SLC4A10: variants seen among roughly 807,000 people sequenced by gnomAD.
SLC4A10 encodes solute carrier family 4 member 10.
In SLC4A10, 42 loss-of-function variants were observed where a neutral mutation model predicts 137.7. That is an observed-to-expected ratio of 0.30 (90% CI 0.24 to 0.39). The LOEUF is 0.39. Among genes scored for constraint, SLC4A10 ranks in the 10% least tolerant of loss-of-function variants. The pLI, the probability that SLC4A10 is intolerant of heterozygous loss-of-function variation, is 1.00. For missense variants in SLC4A10, 925 were observed against 1,355.0 expected (o/e 0.68, Z 4.98); for synonymous variants, 474 against 464.1 (o/e 1.02, Z -0.27).
chr2:161,744,273 T>C, intron 1 of SLC4A10, among the ~76,000 whole-genome samples: 1 of 152,142 alleles, frequency 6.6e-6, no homozygotes, highest in East Asian at 1.9e-4. Context: ...GTCTGCCATA[T>C]ATGGCTTTTA....
chr2:161,973,523 G>T (rs1698909619), intron 23 of SLC4A10, among the ~76,000 whole-genome samples: 1 of 152,150 alleles, frequency 6.6e-6, no homozygotes, highest in Non-Finnish European at 1.5e-5. Context: ...GTCATTATAA[G>T]AAGAAATTTG....
At chr2:161,653,840 A>C (rs1309635969) in intron 1 of SLC4A10, among the ~76,000 whole-genome samples, 2 of 152,222 alleles carry the variant, frequency 1.3e-5, no homozygotes, top group African/African-American at 4.8e-5. Flanking sequence ...GAATAATGCT[A>C]CAATTAATAT....
intron 21 of SLC4A10, among the ~76,000 whole-genome samples, chr2:161,962,966 T>G (rs1244171453): frequency 6.6e-6 from 1 of 152,166 alleles, no homozygotes; most frequent in Non-Finnish European, 1.5e-5. Flanking sequence ...TAATATTACT[T>G]TTTGAAAATG....
At chr2:161,915,356 G>A (rs543616117) in intron 15 of SLC4A10, among the ~76,000 whole-genome samples, 38 of 152,176 alleles carry the variant, frequency 2.5e-4, no homozygotes, top group African/African-American at 9.2e-4. Flanking sequence ...ATTCCTCTTG[G>A]GCACTGGAAA....
intron 1 of SLC4A10, among the ~76,000 whole-genome samples, chr2:161,646,917 A>T (rs529669621): frequency 1.3e-5 from 2 of 152,082 alleles, no homozygotes; most frequent in East Asian, 3.9e-4. Context: ...AATTTTCATT[A>T]TCTTAGTTAC....
At chr2:161,878,001 T>C (rs1191641786) in intron 8 of SLC4A10, among the ~76,000 whole-genome samples, 1 of 152,134 alleles carries the variant, frequency 6.6e-6, no homozygotes, top group African/African-American at 2.4e-5. Context: ...TCATCTTGAT[T>C]TCAGAAAGCA....
chr2:161,794,693 G>A (rs2054568227), intron 2 of SLC4A10, among the ~76,000 whole-genome samples: 1 of 152,146 alleles, frequency 6.6e-6, no homozygotes, highest in Non-Finnish European at 1.5e-5. Flanking sequence ...CGAGGCATGA[G>A]GCAGCGACGT....
chr2:161,791,769 A>C (rs2125537474), intron 2 of SLC4A10, among the ~76,000 whole-genome samples: 1 of 152,100 alleles, frequency 6.6e-6, no homozygotes, highest in South Asian at 2.1e-4. Context: ...TTGATTTCTG[A>C]TATTTTGTTT....
intron 2 of SLC4A10, among the ~76,000 whole-genome samples, chr2:161,780,917 A>G (rs1387719674): frequency 6.6e-6 from 1 of 152,002 alleles, no homozygotes; most frequent in African/African-American, 2.4e-5. Context: ...TGATGTTGTA[A>G]AATTATAAAT....
At chr2:161,867,337 A>C (rs529440290) in intron 6 of SLC4A10, among the ~76,000 whole-genome samples, 30 of 152,144 alleles carry the variant, frequency 2.0e-4, no homozygotes, top group African/African-American at 7.2e-4. Flanking sequence ...CTCATAAATA[A>C]GATATCCAGG....
At chr2:161,764,409 A>G (rs2050582784) in intron 1 of SLC4A10, among the ~76,000 whole-genome samples, 1 of 152,196 alleles carries the variant, frequency 6.6e-6, no homozygotes, top group Middle Eastern at 3.4e-3. Context: ...ACAGAGTAGA[A>G]TGACAGGGTT....
chr2:161,666,130 A>G (rs1190482855), intron 1 of SLC4A10, among the ~76,000 whole-genome samples: 1 of 151,536 alleles, frequency 6.6e-6, no homozygotes, highest in Non-Finnish European at 1.5e-5. Flanking sequence ...GACAGGTATC[A>G]TACATTTTTG....
At chr2:161,730,502 C>T (rs890379446) in intron 1 of SLC4A10, among the ~76,000 whole-genome samples, 4 of 152,230 alleles carry the variant, frequency 2.6e-5, no homozygotes, top group Middle Eastern at 6.8e-3. Flanking sequence ...TCATTATCTT[C>T]TTTGTGATAA....
chr2:161,977,219 T>C, intron 25 of SLC4A10: 1 of 291,204 alleles, frequency 3.4e-6, no homozygotes, highest in Non-Finnish European at 6.6e-6. Flanking sequence ...TCCTTTATTT[T>C]CCCTTTTTTA....
intron 3 of SLC4A10, among the ~76,000 whole-genome samples, chr2:161,836,745 C>A (rs1343958941): frequency 1.3e-5 from 2 of 151,556 alleles, no homozygotes; most frequent in East Asian, 1.9e-4. Context: ...AAACAAAACC[C>A]CAAATCCCAA....
intron 1 of SLC4A10, among the ~76,000 whole-genome samples, chr2:161,655,961 G>T (rs185991501): frequency 1.7e-4 from 26 of 151,736 alleles, no homozygotes; most frequent in Non-Finnish European, 1.3e-4. Context: ...TTACAGGCGT[G>T]TGCTACCATG....
At chr2:161,907,051 G>A (rs1248975937) in intron 15 of SLC4A10, among the ~76,000 whole-genome samples, 49 of 100,172 alleles carry the variant, frequency 4.9e-4, no homozygotes, top group Non-Finnish European at 7.5e-4. Flanking sequence ...GCGAGACTCC[G>A]TCTCAAAAAA....
intron 1 of SLC4A10, among the ~76,000 whole-genome samples, chr2:161,704,516 A>G (rs1016396045): frequency 1.3e-5 from 2 of 151,308 alleles, no homozygotes; most frequent in Admixed American, 1.3e-4. Flanking sequence ...GAAATACTCC[A>G]AAGAAACTAG....
intron 4 of SLC4A10, among the ~76,000 whole-genome samples, chr2:161,846,678 G>T: frequency 6.6e-6 from 1 of 152,140 alleles, no homozygotes; most frequent in Non-Finnish European, 1.5e-5. Context: ...ACAATAACTT[G>T]AATGTATATC....
Sources: gnomAD v4.1 joint callset for allele counts (sites outside exome capture counted in the v4.1 genomes callset) on GRCh38, gnomAD v4.1.1 for gene constraint, MANE v1.5 for transcripts, NCBI Gene and HGNC (gene_info 2026-07-23, HGNC 2026-07-21) for gene names.